The following GGA3 variants were observed in gnomAD, a reference collection of about 807,000 sequenced individuals.
GGA3 encodes the protein golgi associated, gamma adaptin ear containing, ARF binding protein 3.
GGA3 carries 57 observed loss-of-function variants against 77.5 expected under a neutral mutation model. That is an observed-to-expected ratio of 0.74 (90% CI 0.59 to 0.92). The LOEUF (loss-of-function observed/expected upper bound fraction) is 0.92. GGA3 is among the 40% of genes least tolerant of loss of function. GGA3 has a pLI of 0.00. For missense variants in GGA3, 970 were observed against 914.9 expected, an observed-to-expected ratio of 1.06 and a Z score of -0.78; for synonymous variants, 416 against 383.7, an observed-to-expected ratio of 1.08 and a Z score of -0.98.
chr17:75,238,442 C>A (rs1039865835), intron 16 of GGA3, 53 bp from the exon 17 acceptor site: 1 of 1,468,272 alleles, frequency 6.8e-7, no homozygotes, highest in Admixed American at 1.7e-5. Flanking sequence ...CTTGGCAGGA[C>A]GCCCTCTATT....
chr17:75,254,875 C>T (rs2077089139), intron 1 of GGA3, among the ~76,000 whole-genome samples: 1 of 152,168 alleles, frequency 6.6e-6, no homozygotes, highest in African/African-American at 2.4e-5. Flanking sequence ...GGCCACCGAG[C>T]CAAGGAATGC....
intron 6 of GGA3, 25 bp from the exon 7 acceptor site, chr17:75,242,936 G>C (rs751105901): frequency 1.3e-5 from 21 of 1,591,898 alleles, no homozygotes; most frequent in Non-Finnish European, 1.8e-5. Flanking sequence ...AATCAGAGGT[G>C]AAGGGAAGAG....
rs76982026 is a variant in GGA3 at position 75,239,018 on chromosome 17, C to G, written c.1846G>C (p.Glu616Gln). The G allele has an allele frequency of 1.2e-6, 2 of 1,614,084 alleles. No individual in the cohort carries two copies. Among genetic ancestry groups the G allele is most frequent in the Non-Finnish European group, 8.5e-7 (1 of 1,180,010 alleles). Reference protein sequence around the residue: ...GFRILFHFAKECPPGRPDVLV... With the variant: ...GFRILFHFAKQCPPGRPDVLV... The stretch of plus-strand genomic sequence containing the variant: ...ACGTCAGGTCGTCCTGGGGGACACT[C>G]CTTGGCAAAGTGGAAGAGGATGCGG... The change falls in exon 15 of 17, where the codon GAG becomes CAG. Residue 616 changes from glutamate to glutamine, a missense_variant. Glu to Gln is a conservative substitution (Grantham distance 29). Transcript: ENST00000537686.
rs1567795687 is a variant in GGA3, at chr17:75,248,801, CAAAAACA to C, written c.41-2012_41-2006del. On this transcript the variant is annotated intron_variant, in intron 1 of 16. Coordinates refer to ENST00000537686, the MANE Select transcript of GGA3 (RefSeq NM_138619.4). ...ACTCTGTCTAAAAAAAAAACAAAAA[CAAAAACA>C]AAAAAAACAAAACAAAAAAAAAAAA... is the stretch of plus-strand genomic sequence containing the variant. 87 of 761,388 alleles carry C rather than the reference CAAAAACA, an allele frequency of 1.1e-4. No homozygotes were observed. The East Asian group carries it at 1.7e-3, about 15-fold the overall frequency. The allele number at this position is 761,388 out of a possible 1,614,324, so 47.2% of individuals were successfully genotyped here. A position where few individuals can be genotyped will look rare whatever the true frequency, so the allele number is the denominator to read the frequency against.
upstream of GGA3, chr17:75,262,245 A>G: frequency 1.6e-6 from 1 of 636,572 alleles, no homozygotes; most frequent in East Asian, 2.7e-5. Flanking sequence ...TCGCCTGTGA[A>G]TTGGGATGGG....
upstream of GGA3, chr17:75,262,273 C>T (rs1029963736): frequency 2.2e-5 from 14 of 649,578 alleles, no homozygotes; most frequent in Non-Finnish European, 3.2e-5. Flanking sequence ...GCGCCAAGCC[C>T]ATCCTTACCG....
In GGA3 at chr17:75,237,426, C is replaced by T. The variant is rs958542252; in HGVS notation, c.*853G>A. ...TAGGATGTAGAGTGGCGGTAGATTC[C>T]AAGGGGAGGATAGCAGTTTATTTCA... On this transcript the variant is annotated 3_prime_UTR_variant, in exon 17 of 17. Coordinates refer to ENST00000537686, the MANE Select transcript of GGA3 (RefSeq NM_138619.4). 4 of 1,474,800 alleles carry T rather than the reference C, an allele frequency of 2.7e-6. No homozygotes were observed. In the African/African-American group the frequency reaches 5.6e-5, roughly 21 times the overall value. The allele number at this position is 1,474,800 out of a possible 1,614,324, so 91.4% of individuals were successfully genotyped here.
intron 1 of GGA3, 26 bp downstream of exon 1, chr17:75,261,522 A>T: frequency 6.7e-7 from 1 of 1,499,260 alleles, no homozygotes; most frequent in Non-Finnish European, 8.9e-7. Flanking sequence ...GCTCGAGGGC[A>T]GGCAGAAACG....
Position 75,237,427 on chromosome 17 carries a change from A to G in GGA3, c.*852T>C. ...AGGATGTAGAGTGGCGGTAGATTCCAAGGGGAGGATAGCAGTTTATTTCAT... is the reference window on the plus strand; with the variant it reads ...AGGATGTAGAGTGGCGGTAGATTCCGAGGGGAGGATAGCAGTTTATTTCAT... On this transcript the variant is annotated 3_prime_UTR_variant, in exon 17 of 17. Transcript: ENST00000537686. 1 of 1,476,336 alleles carries G rather than the reference A, an allele frequency of 6.8e-7. No homozygotes were observed. The highest frequency in any genetic ancestry group is 9.2e-7 in the Non-Finnish European group (1 of 1,092,252). 91.5% of individuals were successfully genotyped at this position (1,476,336 alleles called of 1,614,324 possible).
intron 10 of GGA3, 130 bp from the exon 11 acceptor site, chr17:75,241,187 G>A: frequency 1.7e-6 from 2 of 1,152,610 alleles, no homozygotes; most frequent in Admixed American, 1.8e-5. Flanking sequence ...TCTCTGCCAG[G>A]GGATGCTGCA....
upstream of GGA3, chr17:75,262,281 C>A: frequency 1.5e-6 from 1 of 656,180 alleles, no homozygotes; most frequent in Middle Eastern, 2.6e-4. Context: ...CCCATCCTTA[C>A]CGTTAGCACT....
intron 1 of GGA3, among the ~76,000 whole-genome samples, chr17:75,258,952 C>CTT (rs1189517940): frequency 8.4e-5 from 11 of 131,332 alleles, no homozygotes; most frequent in African/African-American, 8.9e-5. Context: ...TGCCTTGTAT[C>CTT]TTTTTTTTTT....
chr17:75,261,295 C>T (rs984819303), intron 1 of GGA3, among the ~76,000 whole-genome samples: 2 of 152,256 alleles, frequency 1.3e-5, no homozygotes, highest in Non-Finnish European at 2.9e-5. Flanking sequence ...CCTGCGGTGC[C>T]CGACAGGAGC....
rs536203610 is a variant in GGA3 at position 75,257,040 on chromosome 17, C to T, written c.40+4508G>A. ...TTAGTATTCAGTGAAACCTTTATAT[C>T]CCTTACGGTCCTCCGTCTTCAAGAA... On this transcript the variant is annotated intron_variant, in intron 1 of 16. Coordinates refer to ENST00000537686, the MANE Select transcript of GGA3 (RefSeq NM_138619.4). Among the ~76,000 whole-genome samples the T allele has an allele frequency of 2.5e-3, 381 of 152,152 alleles. 1 individual carries two copies. Among genetic ancestry groups the T allele is most frequent in the Non-Finnish European group, 3.5e-3 (235 of 68,028 alleles).
intron 9 of GGA3, 24 bp downstream of exon 9, chr17:75,241,591 C>G (rs2076560290): frequency 6.2e-7 from 1 of 1,611,404 alleles, no homozygotes. Flanking sequence ...CTGGCTTATC[C>G]CTGACCGTCG....
rs759262270 is a variant in GGA3, at chr17:75,240,366, C to G, written c.1239G>C (p.Gly413=). Residue 413 remains glycine (G), a synonymous_variant, in exon 12 of 17, where the codon GGG becomes GGC. Coordinates refer to ENST00000537686, the MANE Select transcript of GGA3 (RefSeq NM_138619.4). ...APNVPPKESA[G]NSQWHLLQRE... ...CCTGGAGCAGGTGCCACTGGCTGTT[C>G]CCAGCTGACTCTTTGGGAGGAACAT... The G allele has an allele frequency of 5.0e-6, 8 of 1,599,274 alleles. No individual in the cohort carries two copies. The highest frequency in any genetic ancestry group is 6.8e-6 in the Non-Finnish European group (8 of 1,173,860).
chr17:75,257,287 C>CGA (rs1280624794), intron 1 of GGA3, among the ~76,000 whole-genome samples: 3 of 73,592 alleles, frequency 4.1e-5, no homozygotes, highest in African/African-American at 8.4e-5. Flanking sequence ...TGCCCCCCCC[C>CGA]CCAAAAAAAA....
intron 8 of GGA3, 30 bp from the exon 9 acceptor site, chr17:75,241,726 C>A (rs1276555291): frequency 6.4e-7 from 1 of 1,568,626 alleles, no homozygotes; most frequent in Non-Finnish European, 8.8e-7. Flanking sequence ...AAAAATCAAA[C>A]CACAAAGGCC....
At chr17:75,251,098 G>C (rs1225406688) in intron 1 of GGA3, among the ~76,000 whole-genome samples, 3 of 151,722 alleles carry the variant, frequency 2.0e-5, no homozygotes, top group Admixed American at 1.3e-4. Flanking sequence ...AAAAATCTAC[G>C]TAACAAATGA....
Sources: allele counts gnomAD v4.1 joint callset (sites outside exome capture counted in the v4.1 genomes callset), GRCh38; gene constraint gnomAD v4.1.1; transcripts MANE v1.5; gene names NCBI Gene and HGNC (gene_info 2026-07-23, HGNC 2026-07-21).